The following SVOP variants were observed in gnomAD, a reference collection of about 807,000 sequenced individuals.
SVOP encodes the protein synaptic vesicle 2-related protein.
SVOP carries 17 observed loss-of-function variants against 69.1 expected under a neutral mutation model. The ratio of observed to expected loss-of-function variants is 0.25; its 90% CI spans 0.17 to 0.37. The LOEUF is 0.37. SVOP is among the 10% of genes least tolerant of loss of function. The pLI is 1.00. For missense variants in SVOP, 435 were observed against 597.5 expected (o/e 0.73, Z 2.84); for synonymous variants, 238 against 238.6 (o/e 1.00, Z 0.02).
rs563114992 is a variant in SVOP at position 108,971,428 on chromosome 12, C to CAAA, written c.453+974_453+976dup. 1.2e-3 allele frequency among the ~76,000 whole-genome samples: 166 copies of CAAA among 142,622 alleles called. 1 individual carries two copies. The highest frequency in any genetic ancestry group is 7.4e-3 in the Middle Eastern group (2 of 270). The allele number at this position is 142,622 out of a possible 152,430, so 93.6% of individuals were successfully genotyped here. A position where few individuals can be genotyped will look rare whatever the true frequency, so the allele number is the denominator to read the frequency against. On this transcript the variant is annotated intron_variant, in intron 5 of 15. Coordinates refer to ENST00000610966, the MANE Select transcript of SVOP (RefSeq NM_018711.5). ...TGGGCGACAGAGCAAGACTCCGTCT[C>CAAA]AAAAAAAAAAAAAAAAAAAAATGTC...
At chr12:108,920,209 C>T (rs2039740080) in intron 12 of SVOP, among the ~76,000 whole-genome samples, 1 of 152,218 alleles carries the variant, frequency 6.6e-6, no homozygotes, top group South Asian at 2.1e-4. Context: ...GGGCCAATGC[C>T]TTGATTGCAG....
At chr12:108,949,044 T>C (rs889359005) in intron 6 of SVOP, among the ~76,000 whole-genome samples, 4 of 152,218 alleles carry the variant, frequency 2.6e-5, no homozygotes, top group Non-Finnish European at 5.9e-5. Flanking sequence ...TCCTTAGAGA[T>C]CGAGGATTTG....
chr12:108,921,080 AAATAAAG>A (rs138208861), intron 12 of SVOP, among the ~76,000 whole-genome samples: 18,023 of 152,094 alleles, frequency 0.12, 2,092 homozygotes, highest in African/African-American at 0.31. Flanking sequence ...TACACATAGT[AAATAAAG>A]AAGAATCTGG....
At chr12:108,974,530 A>T (rs1418976881) in intron 4 of SVOP, among the ~76,000 whole-genome samples, 2 of 152,206 alleles carry the variant, frequency 1.3e-5, no homozygotes, top group African/African-American at 4.8e-5. Context: ...ATATTACATT[A>T]GGCCAGCCTG....
intron 6 of SVOP, among the ~76,000 whole-genome samples, chr12:108,954,439 G>A (rs2039974503): frequency 5.3e-5 from 8 of 152,190 alleles, no homozygotes; most frequent in Admixed American, 5.2e-4. Context: ...GTAGGGAGCA[G>A]GCAGGCAAGC....
At chr12:108,961,738 C>A (rs191366998) in intron 5 of SVOP, among the ~76,000 whole-genome samples, 40 of 152,278 alleles carry the variant, frequency 2.6e-4, no homozygotes, top group Admixed American at 5.9e-4. Flanking sequence ...CAATCAGGGG[C>A]AGATATTGAC....
rs749227940 is a variant in SVOP at position 108,915,915 on chromosome 12, T to C, written c.1351-43A>G. The stretch of plus-strand genomic sequence containing the variant: ...GATATAGGCATGGGGACATGCAGGT[T>C]CCTCCCACCACTCCAGCTCCAAGCT... On this transcript the variant is annotated intron_variant, in intron 14 of 15. Transcript: ENST00000610966. 1.7e-5 allele frequency: 26 copies of C among 1,510,792 alleles called. No individual in the cohort carries two copies. In the South Asian group the frequency reaches 3.4e-4, roughly 20 times the overall value. The allele number at this position is 1,510,792 out of a possible 1,614,324, so 93.6% of individuals were successfully genotyped here. A position where few individuals can be genotyped will look rare whatever the true frequency, so the allele number is the denominator to read the frequency against.
intron 6 of SVOP, among the ~76,000 whole-genome samples, chr12:108,952,333 C>T (rs753725225): frequency 2.1e-5 from 3 of 141,304 alleles, no homozygotes; most frequent in Non-Finnish European, 4.5e-5. Flanking sequence ...CCCCCAGGTT[C>T]AAGTGATTCT....
intron 1 of SVOP, among the ~76,000 whole-genome samples, chr12:108,995,834 G>A (rs1192170802): frequency 6.6e-6 from 1 of 151,680 alleles, no homozygotes; most frequent in Admixed American, 6.6e-5. Flanking sequence ...CTGGGAGGGG[G>A]GAGGTTGCAG....
chr12:108,999,209 CAAAG>C (rs2040254107), intron 1 of SVOP, among the ~76,000 whole-genome samples: 2 of 115,426 alleles, frequency 1.7e-5, no homozygotes, highest in South Asian at 3.6e-4. Context: ...TCAAAAGAGA[CAAAG>C]AAGGCCATTA....
intron 1 of SVOP, among the ~76,000 whole-genome samples, chr12:109,002,820 A>AG (rs1377723461): frequency 1.4e-5 from 1 of 70,104 alleles, no homozygotes; most frequent in Non-Finnish European, 2.5e-5. Flanking sequence ...GGGTGGGGGG[A>AG]GGGGGGAGGG....
intron 3 of SVOP, among the ~76,000 whole-genome samples, chr12:108,978,084 A>G (rs1323458094): frequency 6.6e-6 from 1 of 152,122 alleles, no homozygotes. Context: ...TAGGGGGGGA[A>G]ATGTTGTGGG....
rs1379435054 is a variant in SVOP, at chr12:109,020,693, A to G, written c.35+141T>C. ...GGAAAGAAAATGGCTTGTCTCCTCC[A>G]GGCCCTAATTCCTTCCTCTGAAACA... is the stretch of plus-strand genomic sequence containing the variant. On this transcript the variant is annotated intron_variant, in intron 1 of 15. Coordinates refer to ENST00000610966, the MANE Select transcript of SVOP (RefSeq NM_018711.5). The G allele has an allele frequency of 1.3e-5, 6 of 457,630 alleles. No homozygotes were observed. The Admixed American group carries it at 2.0e-4, about 15-fold the overall frequency. The allele number at this position is 457,630 out of a possible 1,614,324, so 28.3% of individuals were successfully genotyped here.
At chr12:108,997,223 A>G (rs1251929012) in intron 1 of SVOP, among the ~76,000 whole-genome samples, 2 of 151,994 alleles carry the variant, frequency 1.3e-5, no homozygotes, top group Non-Finnish European at 2.9e-5. Context: ...AAATCGGGTC[A>G]CTCCCACCCG....
chr12:108,980,961 C>T (rs2040132445), intron 2 of SVOP, among the ~76,000 whole-genome samples: 1 of 152,228 alleles, frequency 6.6e-6, no homozygotes, highest in Admixed American at 6.5e-5. Context: ...TGCTGGGTGG[C>T]CCCGTGGGTG....
intron 4 of SVOP, among the ~76,000 whole-genome samples, chr12:108,974,524 T>G (rs1203127202): frequency 6.6e-6 from 1 of 152,060 alleles, no homozygotes; most frequent in Non-Finnish European, 1.5e-5. Context: ...AAAATAATAT[T>G]ACATTAGGCC....
rs976206139 is a variant in SVOP at position 108,912,165 on chromosome 12, G to A, written c.*370C>T. ...GCAGGTGTCACATGGGCCTGAGCCTGGACGGTATCTACAGAGAGATATTTT... is the reference window on the plus strand; with the variant it reads ...GCAGGTGTCACATGGGCCTGAGCCTAGACGGTATCTACAGAGAGATATTTT... On this transcript the variant is annotated 3_prime_UTR_variant, in exon 16 of 16. Coordinates refer to ENST00000610966, the MANE Select transcript of SVOP (RefSeq NM_018711.5). 12 of 1,090,772 alleles carry A rather than the reference G, an allele frequency of 1.1e-5. No individual in the cohort carries two copies. The highest frequency in any genetic ancestry group is 1.6e-5 in the African/African-American group (1 of 60,924). The allele number at this position is 1,090,772 out of a possible 1,614,324, so 67.6% of individuals were successfully genotyped here.
chr12:109,015,659 A>T (rs1445402806), intron 1 of SVOP, among the ~76,000 whole-genome samples: 1 of 92,858 alleles, frequency 1.1e-5, no homozygotes, highest in African/African-American at 3.9e-5. Context: ...TTAGCTGGGC[A>T]TGGTGGTGCA....
chr12:108,956,788 T>C lies in SVOP; in HGVS notation c.578+4135A>G, dbSNP rs979299231. 1.8e-4 allele frequency among the ~76,000 whole-genome samples: 27 copies of C among 152,086 alleles called. 1 individual carries two copies. Among genetic ancestry groups the C allele is most frequent in the Admixed American group, 1.8e-3 (27 of 15,246 alleles). On this transcript the variant is annotated intron_variant, in intron 6 of 15. Coordinates refer to ENST00000610966, the MANE Select transcript of SVOP (RefSeq NM_018711.5). ...TGAAGGAGATGTAGAAGCGGATGTA[T>C]GGCCTGGAATCCGCTGGTCCTATCA...
Sources: allele counts gnomAD v4.1 joint callset (sites outside exome capture counted in the v4.1 genomes callset), GRCh38; gene constraint gnomAD v4.1.1; transcripts MANE v1.5; gene names NCBI Gene and HGNC (gene_info 2026-07-23, HGNC 2026-07-21).